The following ATM variants were observed in gnomAD, a reference collection of about 807,000 sequenced individuals.
ATM encodes the protein ATM serine/threonine kinase.
In ATM, 308 loss-of-function variants were observed where a neutral mutation model predicts 387.0. The observed-to-expected ratio is 0.80, with a 90% confidence interval of 0.73 to 0.87. The LOEUF (loss-of-function observed/expected upper bound fraction) is 0.87. Ranked by LOEUF, ATM falls within the 40% of genes least tolerant of loss-of-function variation. The pLI is 0.00. For missense variants in ATM, 3,312 were observed against 3,560.9 expected, an observed-to-expected ratio of 0.93 and a Z score of 1.78; for synonymous variants, 1,156 against 1,187.3, an observed-to-expected ratio of 0.97 and a Z score of 0.54.
chr11:108,287,986 A>G (rs2082583713), intron 27 of ATM, among the ~76,000 whole-genome samples: 1 of 151,998 alleles, frequency 6.6e-6, no homozygotes, highest in Admixed American at 6.6e-5. Flanking sequence ...ACATTGTGCC[A>G]TCTGTTGGCC....
intron 47 of ATM, 126 bp from the exon 48 acceptor site, chr11:108,327,519 A>ATC: frequency 1.4e-6 from 1 of 726,144 alleles, no homozygotes; most frequent in Middle Eastern, 2.6e-4. Context: ...AGATGAGGAA[A>ATC]AACTTTTTTT....
At position 108,302,682 on chromosome 11, in the gene ATM, C is replaced by A. The variant is rs138237074; in HGVS notation, c.5320-171C>A. Among the ~76,000 whole-genome samples, 1,256 of 152,074 alleles carry A rather than the reference C, an allele frequency of 8.3e-3. 18 individuals are homozygous for A. Among genetic ancestry groups the A allele is most frequent in the Non-Finnish European group, 9.1e-3 (618 of 67,922 alleles). On this transcript the variant is annotated intron_variant, in intron 35 of 62. Coordinates refer to ENST00000675843, the MANE Select transcript of ATM (RefSeq NM_000051.4). ...CAGCAGTTTTTGCCATACCACTCTGCCTCTTGTATAAACATAAATGTTTTC... is the reference window on the plus strand; with the variant it reads ...CAGCAGTTTTTGCCATACCACTCTGACTCTTGTATAAACATAAATGTTTTC...
Position 108,233,519 on chromosome 11 carries a change from C to T in ATM, c.332-2151C>T, listed in dbSNP as rs137950792. 2.3e-4 allele frequency among the ~76,000 whole-genome samples: 33 copies of T among 145,200 alleles called. No individual in the cohort carries two copies. In the Middle Eastern group the frequency reaches 0.017, roughly 76 times the overall value. On this transcript the variant is annotated intron_variant, in intron 4 of 62. Transcript: ENST00000675843. ...AGGGGGCAGTGGTTGCAGTGAGCCA[C>T]GATCATGCTATTGCACTCCAGTCTG...
At chr11:108,246,390 TGTA>T in intron 7 of ATM, among the ~76,000 whole-genome samples, 2 of 152,312 alleles carry the variant, frequency 1.3e-5, no homozygotes, top group Middle Eastern at 6.8e-3. Context: ...GAAAAGCTAA[TGTA>T]GTTTCAGACT....
intron 40 of ATM, 65 bp downstream of exon 40, chr11:108,312,563 A>G (rs1030887273): frequency 6.7e-6 from 8 of 1,186,750 alleles, no homozygotes; most frequent in African/African-American, 1.5e-5. Flanking sequence ...ATTTTGTTAT[A>G]GACACTGTAC....
intron 52 of ATM, among the ~76,000 whole-genome samples, chr11:108,332,245 G>A (rs553587635): frequency 6.6e-6 from 1 of 151,926 alleles, no homozygotes; most frequent in East Asian, 1.9e-4. Flanking sequence ...CTGGCTGACC[G>A]ACACAGCAAA....
At chr11:108,269,629 A>G (rs935779029) in intron 18 of ATM, among the ~76,000 whole-genome samples, 3 of 152,192 alleles carry the variant, frequency 2.0e-5, no homozygotes, top group East Asian at 3.8e-4. Context: ...CCCTAGCCCC[A>G]GTGTATGTGG....
chr11:108,343,216 C>T lies in ATM; in HGVS notation c.8269-6C>T, dbSNP rs1284643640. On this transcript the variant is annotated splice_polypyrimidine_tract_variant and splice_region_variant and intron_variant, in intron 56 of 62. Coordinates refer to ENST00000675843, the MANE Select transcript of ATM (RefSeq NM_000051.4). ...AAATTAAAAGGTATTTAATCTGTAACTCCAGGTGGTTCCCCTCTCTCAGCG... is the reference window on the plus strand; with the variant it reads ...AAATTAAAAGGTATTTAATCTGTAATTCCAGGTGGTTCCCCTCTCTCAGCG... 6.2e-7 allele frequency: 1 copy of T among 1,613,770 alleles called. No individual in the cohort carries two copies. The highest frequency in any genetic ancestry group is 8.5e-7 in the Non-Finnish European group (1 of 1,179,782).
chr11:108,288,584 G>A (rs2082619937), intron 27 of ATM, among the ~76,000 whole-genome samples: 1 of 147,696 alleles, frequency 6.8e-6, no homozygotes, highest in Non-Finnish European at 1.5e-5. Context: ...TTTCACATAT[G>A]TAATTTCATG....
At chr11:108,259,479 C>A (rs1337184491) in intron 16 of ATM, among the ~76,000 whole-genome samples, 2 of 151,964 alleles carry the variant, frequency 1.3e-5, no homozygotes, top group African/African-American at 4.8e-5. Context: ...GAGCGAGACT[C>A]CATCTCAAAA....
chr11:108,272,981 G>A (rs1399311237), intron 22 of ATM, 129 bp downstream of exon 22: 6 of 1,160,152 alleles, frequency 5.2e-6, no homozygotes, highest in Non-Finnish European at 7.6e-6. Flanking sequence ...GGTGTGCCTG[G>A]CATTTATGTT....
chr11:108,360,581 C>G (rs1359954028), intron 61 of ATM, among the ~76,000 whole-genome samples: 1 of 142,584 alleles, frequency 7.0e-6, no homozygotes, highest in Admixed American at 7.2e-5. Context: ...AGCAGCACAT[C>G]CAAAAGCTTA....
chr11:108,308,931 G>T, intron 38 of ATM: 1 of 1,228,700 alleles, frequency 8.1e-7, no homozygotes, highest in Non-Finnish European at 1.2e-6. Flanking sequence ...TTTTCTTGGT[G>T]TTGGGAGGCA....
chr11:108,262,288 G>A (rs2080943266), intron 16 of ATM, among the ~76,000 whole-genome samples: 1 of 152,230 alleles, frequency 6.6e-6, no homozygotes. Flanking sequence ...GGATCTCTCC[G>A]CAGAAACTCT....
chr11:108,301,661 T>C lies in ATM; in HGVS notation c.5191T>C (p.Ser1731Pro), dbSNP rs1064793038. The change falls in exon 35 of 63, where the codon TCA becomes CCA. Residue 1731 changes from serine (S) to proline (P), a missense_variant. By Grantham distance (74) the Ser-to-Pro change is moderately conservative. Transcript: ENST00000675843. ...TLVEDCVKVR[S>P]AAVTCLKNIL... ...TGTTTTTTTCAGTGTCAAAGTTCGA[T>C]CAGCAGCTGTTACCTGTTTGAAAAA... 3 of 1,613,728 alleles carry C rather than the reference T, an allele frequency of 1.9e-6. No individual in the cohort carries two copies. Among genetic ancestry groups the C allele is most frequent in the Non-Finnish European group, 1.7e-6 (2 of 1,179,754 alleles).
chr11:108,360,282 G>T (rs1211562987), intron 61 of ATM, among the ~76,000 whole-genome samples: 1 of 151,982 alleles, frequency 6.6e-6, no homozygotes, highest in Non-Finnish European at 1.5e-5. Flanking sequence ...AGTAACAGGA[G>T]CTGAAATTGT....
At chr11:108,338,279 T>C (rs529679551) in intron 56 of ATM, among the ~76,000 whole-genome samples, 2 of 152,068 alleles carry the variant, frequency 1.3e-5, no homozygotes, top group African/African-American at 4.8e-5. Flanking sequence ...TAAACCCGGA[T>C]GGCAGAGGTT....
chr11:108,229,595 C>T lies in ATM; in HGVS notation c.331+272C>T, dbSNP rs1591453684. The T allele has an allele frequency of 1.5e-5, 5 of 330,062 alleles. No individual in the cohort carries two copies. The East Asian group carries it at 2.3e-4, about 15-fold the overall frequency. The allele number at this position is 330,062 out of a possible 1,614,324, so 20.4% of individuals were successfully genotyped here. ...AATTCGTTGTAAACACCACTGCACT[C>T]AGGCCAGCCTGATTTTTAATATTAC... On this transcript the variant is annotated intron_variant, in intron 4 of 62. Coordinates refer to ENST00000675843, the MANE Select transcript of ATM (RefSeq NM_000051.4).
At chr11:108,313,906 TTAAC>T (rs2084383567) in intron 40 of ATM, among the ~76,000 whole-genome samples, 1 of 152,208 alleles carries the variant, frequency 6.6e-6, no homozygotes, top group African/African-American at 2.4e-5. Context: ...TCATTTTTAT[TTAAC>T]TGAGATTGTT....
Sources: gnomAD v4.1 joint callset for allele counts (sites outside exome capture counted in the v4.1 genomes callset) on GRCh38, gnomAD v4.1.1 for gene constraint, MANE v1.5 for transcripts, NCBI Gene and HGNC (gene_info 2026-07-23, HGNC 2026-07-21) for gene names.